DTYMK: variants seen among roughly 807,000 people sequenced by gnomAD.
The protein encoded by DTYMK is thymidylate kinase.
DTYMK carries 20 observed loss-of-function variants against 20.3 expected under a neutral mutation model. The observed-to-expected ratio is 0.99, with a 90% CI of 0.69 to 1.43. The LOEUF (loss-of-function observed/expected upper bound fraction) is 1.43. Among genes scored for constraint, DTYMK ranks in the 40% most tolerant of loss-of-function variants. The probability of loss-of-function intolerance (pLI) is 0.00; values close to 1 mark genes in which losing one functional copy is unlikely to be tolerated. For synonymous variants in DTYMK, 148 were observed against 124.4 expected (o/e 1.19, Z -1.27); for missense variants, 320 against 291.1 (o/e 1.10, Z -0.72).
At chr2:241,677,638 G>A (rs1575102519) in intron 4 of DTYMK, among the ~76,000 whole-genome samples, 3 of 152,368 alleles carry the variant, frequency 2.0e-5, no homozygotes, top group African/African-American at 4.8e-5. Context: ...TGGGAGAGAG[G>A]TAGGGGCTGC....
At position 241,675,865 on chromosome 2, in the gene DTYMK, A is replaced by G. The variant is rs1318460691; in HGVS notation, c.*262T>C. On this transcript the variant is annotated 3_prime_UTR_variant, in exon 5 of 5. Transcript: ENST00000305784. ...TATCACTGAACTTCAGTAAGAAAATACAACAGAGTGCCATCAGGACAGGGG... is the reference window on the plus strand; with the variant it reads ...TATCACTGAACTTCAGTAAGAAAATGCAACAGAGTGCCATCAGGACAGGGG... The G allele has an allele frequency of 2.9e-6, 1 of 345,422 alleles. No homozygotes were observed. The highest frequency in any genetic ancestry group is 5.2e-6 in the Non-Finnish European group (1 of 191,334). 21.4% of individuals were successfully genotyped at this position (345,422 alleles called of 1,614,324 possible).
At chr2:241,680,918 G>T (rs2069243730) in intron 2 of DTYMK, among the ~76,000 whole-genome samples, 1 of 152,190 alleles carries the variant, frequency 6.6e-6, no homozygotes, top group South Asian at 2.1e-4. Context: ...TGCACTGTCA[G>T]CTGTCTTGGT....
rs368227749 is a variant in DTYMK, at chr2:241,676,148, C to T, written c.618G>A (p.Pro206=). ...EDAIRTATEK[P]LGELWK is the part of the protein sequence containing the mutation. The stretch of plus-strand genomic sequence containing the variant: ...TGGGTCACTTCCATAGCTCCCCCAG[C>T]GGCTTCTCTGTGGCAGTGCGGATGG... Residue 206 remains proline (P), a synonymous_variant, in exon 5 of 5, where the codon CCG becomes CCA. Transcript: ENST00000305784. 1.2e-5 allele frequency: 20 copies of T among 1,612,154 alleles called. No homozygotes were observed. The highest frequency in any genetic ancestry group is 4.5e-5 in the East Asian group (2 of 44,814).
intron 2 of DTYMK, chr2:241,684,882 G>T: frequency 2.5e-6 from 1 of 393,962 alleles, no homozygotes; most frequent in Non-Finnish European, 5.2e-6. Flanking sequence ...AGGGGGGAAG[G>T]CAGGGGTAGT....
At chr2:241,677,596 G>A (rs948996620) in intron 4 of DTYMK, among the ~76,000 whole-genome samples, 6 of 152,354 alleles carry the variant, frequency 3.9e-5, no homozygotes, top group Admixed American at 2.6e-4. Context: ...AAGAGGCCAC[G>A]TGGGCAGCGG....
At chr2:241,681,219 G>A (rs953621401) in intron 2 of DTYMK, among the ~76,000 whole-genome samples, 1 of 152,292 alleles carries the variant, frequency 6.6e-6, no homozygotes, top group Non-Finnish European at 1.5e-5. Flanking sequence ...GTCTCACTGG[G>A]GCCTTCAAAT....
intron 2 of DTYMK, chr2:241,684,654 T>C: frequency 2.4e-6 from 1 of 423,792 alleles, no homozygotes; most frequent in Non-Finnish European, 4.8e-6. Flanking sequence ...AAAACAAAAT[T>C]CTAACTATAG....
At chr2:241,680,174 C>A in intron 3 of DTYMK, 55 bp downstream of exon 3, 2 of 1,556,634 alleles carry the variant, frequency 1.3e-6, no homozygotes, top group South Asian at 2.2e-5. Context: ...CATTCAAGGG[C>A]AGTCCTGGGT....
intron 2 of DTYMK, among the ~76,000 whole-genome samples, chr2:241,683,323 A>G (rs936254556): frequency 1.6e-4 from 24 of 152,354 alleles, no homozygotes; most frequent in African/African-American, 5.5e-4. Flanking sequence ...AGAATGCAAG[A>G]TGCTGCAGCC....
At chr2:241,684,285 C>T (rs866886106) in intron 2 of DTYMK, among the ~76,000 whole-genome samples, 2 of 152,266 alleles carry the variant, frequency 1.3e-5, no homozygotes, top group Middle Eastern at 6.8e-3. Flanking sequence ...TACAAAGCCA[C>T]AAAAAGCAAA....
rs538741827 is a variant in DTYMK at position 241,676,303 on chromosome 2, CCCA to C, written c.529-69_529-67del. On this transcript the variant is annotated intron_variant, in intron 4 of 4. Transcript: ENST00000305784. ...GCACGTTCCAGGCTGGTCACGGGAG[CCCA>C]CGCCTGTAATCCCAGCACTTTGGGA... 4.5e-4 allele frequency: 662 copies of C among 1,459,462 alleles called. 2 individuals carry two copies. In the South Asian group the frequency reaches 6.7e-3, roughly 15 times the overall value. The allele number at this position is 1,459,462 out of a possible 1,614,324, so 90.4% of individuals were successfully genotyped here. A position where few individuals can be genotyped will look rare whatever the true frequency, so the allele number is the denominator to read the frequency against.
chr2:241,683,780 G>A (rs1409653756), intron 2 of DTYMK, among the ~76,000 whole-genome samples: 3 of 152,106 alleles, frequency 2.0e-5, no homozygotes, highest in Non-Finnish European at 2.9e-5. Context: ...ACTATTGGTC[G>A]GGCATGGTGG....
chr2:241,678,321 C>G, intron 4 of DTYMK, 131 bp downstream of exon 4: 2 of 1,299,894 alleles, frequency 1.5e-6, no homozygotes, highest in Non-Finnish European at 2.1e-6. Context: ...AACGACTACT[C>G]CCGGGGCTCC....
At chr2:241,681,145 T>A (rs2069248824) in intron 2 of DTYMK, among the ~76,000 whole-genome samples, 1 of 152,146 alleles carries the variant, frequency 6.6e-6, no homozygotes, top group African/African-American at 2.4e-5. Flanking sequence ...ACACGGGGCC[T>A]GACACTAGTG....
chr2:241,685,069 G>T (rs2069349807), intron 2 of DTYMK: 1 of 177,276 alleles, frequency 5.6e-6, no homozygotes, highest in African/African-American at 2.4e-5. Context: ...TTGGTAGCAT[G>T]CCCCTATGGC....
chr2:241,685,671 T>C (rs1055538629), intron 2 of DTYMK, 98 bp downstream of exon 2: 5 of 1,302,574 alleles, frequency 3.8e-6, no homozygotes. Context: ...GGCCCAGCAC[T>C]ACTGTCACTG....
intron 1 of DTYMK, 33 bp downstream of exon 1, chr2:241,686,621 G>A (rs541885726): frequency 2.7e-6 from 4 of 1,474,808 alleles, no homozygotes; most frequent in Admixed American, 5.2e-5. Flanking sequence ...AGGCACCGAA[G>A]GCCGCGGCGC....
chr2:241,677,232 G>A (rs928912940), intron 4 of DTYMK, among the ~76,000 whole-genome samples: 5 of 152,188 alleles, frequency 3.3e-5, no homozygotes, highest in Admixed American at 6.5e-5. Flanking sequence ...AGGTGTGACC[G>A]TGACGGAAGG....
At chr2:241,677,480 G>A (rs2069143877) in intron 4 of DTYMK, among the ~76,000 whole-genome samples, 1 of 152,230 alleles carries the variant, frequency 6.6e-6, no homozygotes, top group Non-Finnish European at 1.5e-5. Context: ...CGAGACCCTC[G>A]GCCCTGCTCT....
Sources: allele counts gnomAD v4.1 joint callset (sites outside exome capture counted in the v4.1 genomes callset), GRCh38; gene constraint gnomAD v4.1.1; transcripts MANE v1.5; gene names NCBI Gene and HGNC (gene_info 2026-07-23, HGNC 2026-07-21).